TIAM2: variants seen among roughly 807,000 people sequenced by gnomAD.
TIAM2 encodes the protein rho guanine nucleotide exchange factor TIAM2.
Under a neutral mutation model 152.9 loss-of-function variants are expected in TIAM2, and 80 were observed. The ratio of observed to expected loss-of-function variants is 0.52; its 90% confidence interval spans 0.44 to 0.63. The LOEUF is 0.63. Ranked by LOEUF, TIAM2 falls within the 30% of genes least tolerant of loss-of-function variation. TIAM2 has a pLI of 0.00. For synonymous variants in TIAM2, 804 were observed against 838.0 expected, an observed-to-expected ratio of 0.96 and a Z score of 0.70; for missense variants, 1,965 against 2,120.1, an observed-to-expected ratio of 0.93 and a Z score of 1.44.
chr6:155,208,071 A>G (rs1222940929), intron 14 of TIAM2, among the ~76,000 whole-genome samples: 1 of 152,110 alleles, frequency 6.6e-6, no homozygotes, highest in East Asian at 1.9e-4. Context: ...TCATCTTTGT[A>G]TCCCTAGTAC....
At chr6:155,249,739 T>C in intron 20 of TIAM2, 112 bp from the exon 21 acceptor site, 1 of 780,308 alleles carries the variant, frequency 1.3e-6, no homozygotes. Context: ...CTCCTGCTAG[T>C]GGGTACTGGT....
chr6:155,112,114 CT>C (rs776029765), intron 2 of TIAM2, among the ~76,000 whole-genome samples: 1 of 148,162 alleles, frequency 6.7e-6, no homozygotes, highest in Non-Finnish European at 1.5e-5. Flanking sequence ...CACATACTCT[CT>C]TGGTTTCCTC....
chr6:155,093,404 G>A (rs528070680), intron 2 of TIAM2, among the ~76,000 whole-genome samples: 19 of 152,300 alleles, frequency 1.2e-4, no homozygotes, highest in Non-Finnish European at 1.6e-4. Flanking sequence ...TGGAAAGGGC[G>A]TCCTGTACAT....
At chr6:155,150,108 T>C (rs531496121) in intron 7 of TIAM2, among the ~76,000 whole-genome samples, 20 of 152,146 alleles carry the variant, frequency 1.3e-4, no homozygotes, top group African/African-American at 4.8e-4. Flanking sequence ...CCTTTGCTTC[T>C]CCTTTTCTCA....
Position 155,211,276 on chromosome 6 carries a change from C to T in TIAM2, c.3137C>T (p.Ser1046Phe), listed in dbSNP as rs778412997. ...ACAGATGGCACTCTGGATCAGGTTT[C>T]CCACAGGGAGAAAATGGAGCAGACA... ...SQTDGTLDQVSHREKMEQTFR... is the reference protein window; with the variant it reads ...SQTDGTLDQVFHREKMEQTFR... The change falls in exon 15 of 27, where the codon TCC becomes TTC. Residue 1046 changes from serine (S) to phenylalanine (F), a missense_variant. Ser to Phe is a radical substitution (Grantham distance 155). Around this residue, in one of 3 missense-constraint regions of TIAM2, gnomAD observed 935 missense variants for 980.0 expected, o/e 0.95. Coordinates refer to ENST00000682666, the MANE Select transcript of TIAM2 (RefSeq NM_012454.4). The T allele has an allele frequency of 6.2e-7, 1 of 1,613,474 alleles. No homozygotes were observed. Among genetic ancestry groups the T allele is most frequent in the South Asian group, 1.1e-5 (1 of 91,040 alleles).
At chr6:155,107,375 A>G (rs765776974) in intron 2 of TIAM2, among the ~76,000 whole-genome samples, 47 of 152,300 alleles carry the variant, frequency 3.1e-4, no homozygotes, top group Admixed American at 7.2e-4. Flanking sequence ...TCAAACACCT[A>G]TTGGTGATTT....
chr6:155,125,781 T>C (rs920870118), intron 2 of TIAM2, among the ~76,000 whole-genome samples: 1 of 151,698 alleles, frequency 6.6e-6, no homozygotes, highest in Non-Finnish European at 1.5e-5. Flanking sequence ...GAGGTTGCAG[T>C]GAGCCGAGAT....
chr6:155,139,666 G>A (rs905568543), intron 5 of TIAM2, among the ~76,000 whole-genome samples: 2 of 152,224 alleles, frequency 1.3e-5, no homozygotes, highest in African/African-American at 2.4e-5. Context: ...GAGGCCAGGT[G>A]TGGTGGCTCA....
intron 1 of TIAM2, among the ~76,000 whole-genome samples, chr6:155,039,676 G>T (rs1776985870): frequency 6.6e-6 from 1 of 152,058 alleles, no homozygotes; most frequent in South Asian, 2.1e-4. Flanking sequence ...AATACAAAAA[G>T]ATCTTTCTTC....
intron 15 of TIAM2, among the ~76,000 whole-genome samples, chr6:155,228,222 G>T (rs1014424447): frequency 1.3e-5 from 2 of 152,140 alleles, no homozygotes; most frequent in Admixed American, 6.5e-5. Flanking sequence ...ACTGAATTTT[G>T]TCCTCAGTTT....
At chr6:155,148,404 G>GTCATCTTGGTGGTATTTCTTGGCTC in intron 7 of TIAM2, 70 bp downstream of exon 7, 1 of 1,411,074 alleles carries the variant, frequency 7.1e-7, no homozygotes. Flanking sequence ...AACGCATGCT[G>GTCATCTTGGTGGTATTTCTTGGCTC]TCATCTTGGT....
chr6:155,098,228 T>C (rs771018809), intron 2 of TIAM2, among the ~76,000 whole-genome samples: 5 of 152,204 alleles, frequency 3.3e-5, no homozygotes, highest in Non-Finnish European at 7.3e-5. Flanking sequence ...ATTGGTATTT[T>C]GATAGGGATT....
chr6:155,171,541 G>A (rs962388633), intron 9 of TIAM2, among the ~76,000 whole-genome samples: 3 of 151,708 alleles, frequency 2.0e-5, no homozygotes, highest in African/African-American at 7.3e-5. Context: ...TCTTAGTCAT[G>A]AGCTGTAAAC....
chr6:155,092,526 T>A (rs1778328090), intron 2 of TIAM2, among the ~76,000 whole-genome samples: 1 of 152,156 alleles, frequency 6.6e-6, no homozygotes, highest in Non-Finnish European at 1.5e-5. Flanking sequence ...GCTGTTTTAT[T>A]TAGTATATAC....
rs1201439884 is a variant in TIAM2, at chr6:155,256,931, C to G, written c.4916C>G (p.Ala1639Gly). The G allele has an allele frequency of 1.9e-6, 3 of 1,614,174 alleles. No individual in the cohort carries two copies. The highest frequency in any genetic ancestry group is 2.7e-5 in the African/African-American group (2 of 75,048). Reference sequence around the variant, plus strand: ...CACTTCTGCCCCATTAAACGAAAAGCCAACAGCACCAAGAGGGACAGAGGA... The same window carrying G: ...CACTTCTGCCCCATTAAACGAAAAGGCAACAGCACCAAGAGGGACAGAGGA... The part of the protein sequence containing the change: ...RGHFCPIKRK[A>G]NSTKRDRGTL... The change falls in exon 27 of 27, where the codon GCC (alanine) becomes GGC (glycine). Residue 1639 changes from alanine to glycine, a missense_variant. Transcript: ENST00000682666.
At chr6:155,079,012 C>G (rs1328168951) in intron 1 of TIAM2, among the ~76,000 whole-genome samples, 4 of 151,244 alleles carry the variant, frequency 2.6e-5, no homozygotes, top group African/African-American at 9.7e-5. Context: ...TTTTTGTAAA[C>G]CAAGGATAGT....
chr6:155,027,446 A>G (rs1186493934), intron 1 of TIAM2, among the ~76,000 whole-genome samples: 104 of 87,930 alleles, frequency 1.2e-3, no homozygotes, highest in African/African-American at 4.5e-3. Flanking sequence ...TATAATATAT[A>G]TACTGTGTTA....
chr6:155,130,364 C>T lies in TIAM2; in HGVS notation c.1141C>T (p.Arg381Ter), dbSNP rs141220320. 10 of 1,613,842 alleles carry T rather than the reference C, an allele frequency of 6.2e-6. No homozygotes were observed. The highest frequency in any genetic ancestry group is 1.3e-5 in the African/African-American group (1 of 74,880). ...AKKDSLKARM[R>*]RISDWTGSLS... ...GAAGGACTCCCTCAAAGCCAGGATG[C>T]GACGGATCAGTGACTGGACGGGAAG... The change falls in exon 4 of 27, where the codon CGA becomes TGA. Residue 381 changes from arginine (R) to a stop codon, truncating the protein, a stop_gained. Transcript: ENST00000682666. LOFTEE classifies it high-confidence loss of function.
At chr6:155,251,853 A>G in intron 22 of TIAM2, 92 bp from the exon 23 acceptor site, 2 of 976,378 alleles carry the variant, frequency 2.0e-6, no homozygotes, top group East Asian at 2.5e-5. Flanking sequence ...ATACGTTTGG[A>G]GAGTGTTACT....
Sources: allele counts gnomAD v4.1 joint callset (sites outside exome capture counted in the v4.1 genomes callset), GRCh38; gene constraint gnomAD v4.1.1; regional missense constraint gnomAD v4.1.1; transcripts MANE v1.5; gene names NCBI Gene and HGNC (gene_info 2026-07-23, HGNC 2026-07-21).